The following IL4I1 variants were observed in gnomAD, a reference collection of about 807,000 sequenced individuals.
IL4I1 encodes the protein interleukin 4 induced 1, also known as L-amino-acid oxidase.
IL4I1 carries 24 observed loss-of-function variants against 29.7 expected under a neutral mutation model. The observed-to-expected ratio is 0.81, with a 90% CI of 0.59 to 1.14. The LOEUF is 1.14. Among genes scored for constraint, IL4I1 ranks in the 50% most tolerant of loss-of-function variants. IL4I1 has a pLI of 0.00. For synonymous variants in IL4I1, 371 were observed against 352.5 expected (o/e 1.05, Z -0.59); for missense variants, 686 against 785.6 (o/e 0.87, Z 1.52).
rs1031956014 is a variant in IL4I1, at chr19:49,921,312, C to A, written c.-228+6382G>T. On this transcript the variant is annotated intron_variant, in intron 2 of 9. Coordinates refer to the IL4I1 transcript ENST00000341114. This position sits in a 1 kb window ranked among gnomAD's most constrained non-coding sequence, Gnocchi z 5.4. ...CTGGCCCCACAGCTGAGCTCCTAACCGCACCGAGCCTCTCCAAAACATGGT... is the reference window on the plus strand; with the variant it reads ...CTGGCCCCACAGCTGAGCTCCTAACAGCACCGAGCCTCTCCAAAACATGGT... 6.6e-6 allele frequency among the ~76,000 whole-genome samples: 1 copy of A among 152,142 alleles called. No homozygotes were observed. The highest frequency in any genetic ancestry group is 1.5e-5 in the Non-Finnish European group (1 of 68,018).
At chr19:49,908,199 G>A (rs1416667336) in intron 2 of IL4I1, 3 of 1,606,496 alleles carry the variant, frequency 1.9e-6, no homozygotes, top group East Asian at 4.5e-5. Flanking sequence ...TTCCCCTCAT[G>A]AACTCCCTAG....
intron 2 of IL4I1, among the ~76,000 whole-genome samples, chr19:49,906,582 C>T (rs759946718): frequency 6.7e-4 from 102 of 152,200 alleles, no homozygotes; most frequent in Non-Finnish European, 1.2e-3. Context: ...CGGCTTCACT[C>T]GTGTGTTCCT....
chr19:49,909,486 T>G (rs201568105), intron 2 of IL4I1: 1 of 1,614,054 alleles, frequency 6.2e-7, no homozygotes, highest in African/African-American at 1.3e-5. Context: ...GGGTTTGCCA[T>G]GGCTGGGGTG....
At chr19:49,915,460 C>T (rs1871859467) in intron 2 of IL4I1, among the ~76,000 whole-genome samples, 1 of 152,204 alleles carries the variant, frequency 6.6e-6, no homozygotes, top group South Asian at 2.1e-4. Context: ...GACATAGCCT[C>T]TCCCCTAGAG....
At position 49,895,881 on chromosome 19, in the gene IL4I1, C is replaced by T; in HGVS notation, c.186G>A (p.Val62=). 2 of 1,614,216 alleles carry T rather than the reference C, an allele frequency of 1.2e-6. No homozygotes were observed. Among genetic ancestry groups the T allele is most frequent in the Non-Finnish European group, 1.7e-6 (2 of 1,180,038 alleles). Residue 62 remains valine (V), a synonymous_variant, in exon 3 of 8, where the codon GTG becomes GTA. Coordinates refer to ENST00000391826, the MANE Select transcript of IL4I1 (RefSeq NM_152899.2). ...CGGCCACACCAGCGCCAACCACAAT[C>T]ACCCTCTGGGGCTTCAGGGTCCGAT... ...GLNRTLKPQR[V]IVVGAGVAGL... is the part of the protein sequence containing the mutation.
chr19:49,906,218 A>G (rs1223392985), intron 2 of IL4I1, among the ~76,000 whole-genome samples: 2 of 152,050 alleles, frequency 1.3e-5, no homozygotes, highest in East Asian at 1.9e-4. Flanking sequence ...ACATGTGTGT[A>G]TATTTTTTGA....
chr19:49,891,547 C>T, intron 5 of IL4I1, 74 bp from the exon 6 acceptor site: 2 of 1,331,448 alleles, frequency 1.5e-6, no homozygotes, highest in Non-Finnish European at 2.2e-6. Flanking sequence ...GGAGCCCACA[C>T]TCGGCTTCTC....
rs113175852 is a variant in IL4I1 at position 49,903,830 on chromosome 19, G to GTTTTTTTTTTTTTTTTTTTT, written c.-105+349_-105+368dup. 3.0e-5 allele frequency among the ~76,000 whole-genome samples: 2 copies of GTTTTTTTTTTTTTTTTTTTT among 66,528 alleles called. 1 individual carries two copies. The highest frequency in any genetic ancestry group is 1.3e-4 in the African/African-American group (2 of 15,686). 43.6% of individuals were successfully genotyped at this position (66,528 alleles called of 152,430 possible). A position where few individuals can be genotyped will look rare whatever the true frequency, so the allele number is the denominator to read the frequency against. On this transcript the variant is annotated intron_variant, in intron 3 of 9. Coordinates refer to the IL4I1 transcript ENST00000341114. ...CATATTATACTGTTATATGTGCTGG[G>GTTTTTTTTTTTTTTTTTTTT]TTTTTTTTTTTTTTTTTTTTTTTTT...
chr19:49,925,445 A>T (rs2075863705), intron 2 of IL4I1, among the ~76,000 whole-genome samples: 1 of 98,876 alleles, frequency 1.0e-5, no homozygotes, highest in Non-Finnish European at 1.9e-5. Flanking sequence ...CTACTAAAAA[A>T]AGCCAAAAAA....
chr19:49,916,458 T>C (rs1282933788), intron 2 of IL4I1, among the ~76,000 whole-genome samples: 1 of 151,122 alleles, frequency 6.6e-6, no homozygotes, highest in Non-Finnish European at 1.5e-5. Flanking sequence ...GTATCTTTTG[T>C]ATTTTTGTAT....
chr19:49,915,752 A>G (rs981387720), intron 2 of IL4I1, among the ~76,000 whole-genome samples: 1 of 152,184 alleles, frequency 6.6e-6, no homozygotes, highest in Non-Finnish European at 1.5e-5. Context: ...TACAGAAAGG[A>G]AAGTGAGGTG....
Position 49,909,250 on chromosome 19 carries a change from G to C in IL4I1, c.-227-4929C>G, listed in dbSNP as rs983678981. The C allele has an allele frequency of 1.9e-6, 3 of 1,614,000 alleles. No homozygotes were observed. The African/African-American group carries it at 4.0e-5, about 22-fold the overall frequency. ...GCGTGGCCGGAGTGAAGGGCAACGT[G>C]GCAGGTGCCGTGGGCTGGGCTGAAT... is the stretch of plus-strand genomic sequence containing the variant. On this transcript the variant is annotated intron_variant, in intron 2 of 9. Transcript: ENST00000341114.
chr19:49,911,953 C>T lies in IL4I1; in HGVS notation c.-227-7632G>A, dbSNP rs561818712. On this transcript the variant is annotated intron_variant, in intron 2 of 9. Coordinates refer to the IL4I1 transcript ENST00000341114. ...AAAAGTCCTCACTGCTGAGCCACCT[C>T]AAGCCGGTGTGTTGTTACTGGCAGC... Among the ~76,000 whole-genome samples, 4 of 152,316 alleles carry T rather than the reference C, an allele frequency of 2.6e-5. No individual in the cohort carries two copies. The South Asian group carries it at 8.3e-4, about 32-fold the overall frequency.
chr19:49,928,818 A>C (rs2122809131), intron 1 of IL4I1: 1 of 152,452 alleles, frequency 6.6e-6, no homozygotes, highest in Non-Finnish European at 1.5e-5. Flanking sequence ...AAGCAAGGAA[A>C]GGGAAAGAGA....
rs2075101419 is a variant in IL4I1 at position 49,889,668 on chromosome 19, C to CT, written c.*1dup. On this transcript the variant is annotated 3_prime_UTR_variant, in exon 8 of 8. Coordinates refer to ENST00000391826, the MANE Select transcript of IL4I1 (RefSeq NM_152899.2). ...GACCACACGGCTTTTTCCGAAAATA[C>CT]TTTAATGCGAGGTCCTCGTGTGGGT... 1 of 1,480,704 alleles carries CT rather than the reference C, an allele frequency of 6.8e-7. No homozygotes were observed. The highest frequency in any genetic ancestry group is 2.4e-5 in the Admixed American group (1 of 42,218). The allele number at this position is 1,480,704 out of a possible 1,614,324, so 91.7% of individuals were successfully genotyped here.
At position 49,890,359 on chromosome 19, in the gene IL4I1, G is replaced by A. The variant is rs2075116058; in HGVS notation, c.1015C>T (p.His339Tyr). The change falls in exon 8 of 8, where the codon CAC becomes TAC. Residue 339 changes from histidine to tyrosine, a missense_variant. Transcript: ENST00000391826. ...AGCCTCCGCAGCGCCTCCTGCATGT[G>A]GCGGGGCAGCGGCGGCGAGAAGGTG... ...RITFSPPLPRHMQEALRRLHY... is the reference protein window; with the variant it reads ...RITFSPPLPRYMQEALRRLHY... The A allele has an allele frequency of 3.1e-6, 5 of 1,602,196 alleles. No individual in the cohort carries two copies. Among genetic ancestry groups the A allele is most frequent in the Non-Finnish European group, 2.6e-6 (3 of 1,174,828 alleles).
chr19:49,894,990 C>G, intron 4 of IL4I1, 78 bp downstream of exon 4: 4 of 1,082,934 alleles, frequency 3.7e-6, no homozygotes, highest in South Asian at 1.4e-5. Context: ...AGTGGAAGTT[C>G]GGGCCCACTC....
chr19:49,923,029 T>A (rs2075800994), intron 2 of IL4I1, among the ~76,000 whole-genome samples: 1 of 152,184 alleles, frequency 6.6e-6, no homozygotes, highest in African/African-American at 2.4e-5. Flanking sequence ...GATGGCATCC[T>A]GGGCTCTAGG....
Position 49,895,973 on chromosome 19 carries a change from G to A in IL4I1, c.94C>T (p.Pro32Ser). Residue 32 changes from proline to serine, a missense_variant, in exon 3 of 8, where the codon CCC (proline) becomes TCC (serine). Physicochemically the swap from Pro to Ser is moderately conservative, Grantham distance 74 (BLOSUM62 -1). Coordinates refer to ENST00000391826, the MANE Select transcript of IL4I1 (RefSeq NM_152899.2). ...GGATCCTGCATGCATTTCTCGAAGGGGTCTTGGCTGCGTTCAGCCTTCCAG... is the reference window on the plus strand; with the variant it reads ...GGATCCTGCATGCATTTCTCGAAGGAGTCTTGGCTGCGTTCAGCCTTCCAG... ...QDWKAERSQD[P>S]FEKCMQDPDY... 1 of 1,614,048 alleles carries A rather than the reference G, an allele frequency of 6.2e-7. No individual in the cohort carries two copies. Among genetic ancestry groups the A allele is most frequent in the East Asian group, 2.2e-5 (1 of 44,898 alleles).
Sources: allele counts gnomAD v4.1 joint callset (sites outside exome capture counted in the v4.1 genomes callset), GRCh38; gene constraint gnomAD v4.1.1; non-coding constraint Gnocchi (gnomAD v3.1); transcripts MANE v1.5; gene names NCBI Gene and HGNC (gene_info 2026-07-23, HGNC 2026-07-21).